Variants in ARPC1B observed in about 807,000 individuals in gnomAD.
ARPC1B encodes the protein actin-related protein 2/3 complex subunit 1B.
In ARPC1B, 29 loss-of-function variants were observed where a neutral mutation model predicts 46.0. That is an observed-to-expected ratio of 0.63 (90% CI 0.47 to 0.86). The LOEUF (loss-of-function observed/expected upper bound fraction) is 0.86, where lower values mean the gene tolerates loss of function less well. ARPC1B is among the 40% of genes least tolerant of loss of function. ARPC1B has a pLI of 0.00. For missense variants in ARPC1B, 469 were observed against 529.4 expected (o/e 0.89, Z 1.12); for synonymous variants, 201 against 213.9 (o/e 0.94, Z 0.53).
intron 1 of ARPC1B, among the ~76,000 whole-genome samples, chr7:99,375,036 G>A (rs1793992114): frequency 1.4e-5 from 2 of 146,374 alleles, no homozygotes; most frequent in African/African-American, 5.0e-5. Flanking sequence ...AGGAGAGGGA[G>A]CCCTGGGATT....
At chr7:99,386,288 G>A (rs1413151416) in intron 2 of ARPC1B, 9 of 368,614 alleles carry the variant, frequency 2.4e-5, no homozygotes, top group Non-Finnish European at 2.6e-5. Flanking sequence ...AAGAAAAAGT[G>A]ACCAAGAAAA....
intron 7 of ARPC1B, 131 bp from the exon 8 acceptor site, chr7:99,392,540 C>T (rs1048124880): frequency 1.0e-4 from 85 of 821,992 alleles, no homozygotes; most frequent in Non-Finnish European, 7.3e-6. Flanking sequence ...CAATTCGGGC[C>T]TCCCTCGCTG....
rs1169899496 is a variant in ARPC1B, at chr7:99,394,025, G to A, written c.990-4G>A. 1.2e-6 allele frequency: 2 copies of A among 1,612,546 alleles called. No homozygotes were observed. The highest frequency in any genetic ancestry group is 1.7e-6 in the Non-Finnish European group (2 of 1,180,022). ...AATTCATAAGCTCCTCTTCCTCTTT[G>A]CAGCCAGATCTCGGTGCTCAGCGGC... is the stretch of plus-strand genomic sequence containing the variant. On this transcript the variant is annotated splice_region_variant and splice_polypyrimidine_tract_variant and intron_variant, in intron 8 of 9. Transcript: ENST00000646101.
Position 99,394,640 on chromosome 7 carries a change from G to A in ARPC1B, c.*151G>A. On this transcript the variant is annotated 3_prime_UTR_variant, in exon 10 of 10. Transcript: ENST00000646101. ...CTCAAAAAGGGAGGGGACAGATGGGGAGCTTTTCTTACCTATTCAAGGAAT... is the reference window on the plus strand; with the variant it reads ...CTCAAAAAGGGAGGGGACAGATGGGAAGCTTTTCTTACCTATTCAAGGAAT... 1.4e-6 allele frequency: 2 copies of A among 1,441,362 alleles called. No homozygotes were observed. The highest frequency in any genetic ancestry group is 5.0e-5 in the East Asian group (2 of 39,604). The allele number at this position is 1,441,362 out of a possible 1,614,324, so 89.3% of individuals were successfully genotyped here.
chr7:99,379,609 C>A (rs1458365725), intron 1 of ARPC1B, among the ~76,000 whole-genome samples: 1 of 152,076 alleles, frequency 6.6e-6, no homozygotes, highest in Non-Finnish European at 1.5e-5. Flanking sequence ...CTAGTCTAGC[C>A]CCAGCCTCAT....
At position 99,394,483 on chromosome 7, in the gene ARPC1B, C is replaced by G; in HGVS notation, c.1113C>G (p.Ile371Met). ...SLESALKDLK[I>M]K ...AGTCAGCCTTGAAGGACCTCAAGAT[C>G]AAATGACCTGTGAGGAATATGTTGC... The change falls in exon 10 of 10, where the codon ATC becomes ATG. Residue 371 changes from isoleucine (I) to methionine (M), a missense_variant. Transcript: ENST00000646101. 2 of 1,614,052 alleles carry G rather than the reference C, an allele frequency of 1.2e-6. No individual in the cohort carries two copies. Among genetic ancestry groups the G allele is most frequent in the Non-Finnish European group, 1.7e-6 (2 of 1,180,008 alleles).
chr7:99,385,626 T>C, intron 1 of ARPC1B, 76 bp from the exon 2 acceptor site: 2 of 1,307,690 alleles, frequency 1.5e-6, no homozygotes, highest in African/African-American at 1.4e-5. Flanking sequence ...GTGAGGATCA[T>C]CTGGGGCCTG....
chr7:99,390,965 TG>T lies in ARPC1B; in HGVS notation c.577del (p.Glu193AsnfsTer2). 6.2e-7 allele frequency: 1 copy of T among 1,613,968 alleles called. No homozygotes were observed. Among genetic ancestry groups the T allele is most frequent in the Non-Finnish European group, 8.5e-7 (1 of 1,179,988 alleles). ...CCCCGTGGGGCTCCAAGATGCCCTTTGGGGAACTGATGTTCGAATCCAGCAG... is the reference window on the plus strand; with the variant it reads ...CCCCGTGGGGCTCCAAGATGCCCTTTGGGAACTGATGTTCGAATCCAGCAG... ...PTPWGSKMPF[G>X]ELMFESSSSC... On this transcript the variant is annotated frameshift_variant, in exon 6 of 10. Transcript: ENST00000646101. LOFTEE classifies it high-confidence loss of function.
intron 7 of ARPC1B, among the ~76,000 whole-genome samples, 174 bp from the exon 8 acceptor site, chr7:99,392,497 C>G (rs1439361180): frequency 6.6e-6 from 1 of 152,176 alleles, no homozygotes; most frequent in Non-Finnish European, 1.5e-5. Flanking sequence ...GAGGTGGCAG[C>G]CCCCAGCATC....
chr7:99,382,909 A>AT (rs1301989194), intron 1 of ARPC1B, among the ~76,000 whole-genome samples: 16 of 120,994 alleles, frequency 1.3e-4, no homozygotes, highest in African/African-American at 5.3e-4. Context: ...CAGTGGTGTG[A>AT]TTTTGGCTCA....
intron 1 of ARPC1B, among the ~76,000 whole-genome samples, chr7:99,381,206 G>T (rs1224537610): frequency 6.6e-6 from 1 of 152,192 alleles, no homozygotes; most frequent in Non-Finnish European, 1.5e-5. Flanking sequence ...CAGCCCCAGT[G>T]GGTGCCGGGT....
In ARPC1B at chr7:99,393,997, T is replaced by G. The variant is rs1217340950; in HGVS notation, c.990-32T>G. 1.9e-6 allele frequency: 3 copies of G among 1,608,386 alleles called. No homozygotes were observed. In the African/African-American group the frequency reaches 4.0e-5, roughly 21 times the overall value. On this transcript the variant is annotated intron_variant, in intron 8 of 9. Transcript: ENST00000646101. ...GGCCTGAGCCCAGCGCCAGCACAGG[T>G]TGAATTCATAAGCTCCTCTTCCTCT...
At chr7:99,375,939 G>A (rs899575890) in intron 1 of ARPC1B, among the ~76,000 whole-genome samples, 3 of 151,930 alleles carry the variant, frequency 2.0e-5, no homozygotes, top group Non-Finnish European at 4.4e-5. Flanking sequence ...GCACGCACCT[G>A]TAATCCCAGC....
chr7:99,383,210 C>T (rs1271412445), intron 1 of ARPC1B, among the ~76,000 whole-genome samples: 1 of 151,970 alleles, frequency 6.6e-6, no homozygotes, highest in East Asian at 1.9e-4. Flanking sequence ...GCCTGTAGTC[C>T]CAGCTACTTG....
At chr7:99,387,697 A>G (rs1045032429) in intron 3 of ARPC1B, among the ~76,000 whole-genome samples, 61 of 147,084 alleles carry the variant, frequency 4.1e-4, no homozygotes, top group African/African-American at 1.6e-3. Context: ...AGATCGTGCC[A>G]GTGCACTCCA....
At chr7:99,383,011 A>G (rs887990040) in intron 1 of ARPC1B, among the ~76,000 whole-genome samples, 6 of 151,182 alleles carry the variant, frequency 4.0e-5, no homozygotes, top group Non-Finnish European at 8.9e-5. Flanking sequence ...CGCCCAGCTA[A>G]TTTTTGTATT....
At chr7:99,375,655 G>A (rs1290361376) in intron 1 of ARPC1B, among the ~76,000 whole-genome samples, 1 of 152,244 alleles carries the variant, frequency 6.6e-6, no homozygotes, top group African/African-American at 2.4e-5. Flanking sequence ...GGGCGCGGTG[G>A]CTCACACATA....
rs746717899 is a variant in ARPC1B at position 99,391,099 on chromosome 7, C to T, written c.707C>T (p.Ala236Val). The T allele has an allele frequency of 6.8e-6, 11 of 1,612,710 alleles. No individual in the cohort carries two copies. The highest frequency in any genetic ancestry group is 2.2e-5 in the East Asian group (1 of 44,836). ...CTGGCTGATGCCGACAAGAAGATGG[C>T]GTGAGTCGAGGCCATCCCCAGGGGA... The part of the protein sequence containing the change: ...VCLADADKKM[A>V]VATLASETLP... The change falls in exon 6 of 10, where the codon GCC (alanine) becomes GTC (valine). Residue 236 changes from alanine to valine, a missense_variant and splice_region_variant. Coordinates refer to ENST00000646101, the MANE Select transcript of ARPC1B (RefSeq NM_005720.4).
In ARPC1B at chr7:99,394,598, C is replaced by A; in HGVS notation, c.*109C>A. ...TGTTTCTGGGGTACCAATACGAGTT[C>A]CCATAGGGGCTGCTCCCTCAAAAAG... On this transcript the variant is annotated 3_prime_UTR_variant, in exon 10 of 10. Coordinates refer to ENST00000646101, the MANE Select transcript of ARPC1B (RefSeq NM_005720.4). The A allele has an allele frequency of 6.4e-7, 1 of 1,568,074 alleles. No individual in the cohort carries two copies. Among genetic ancestry groups the A allele is most frequent in the South Asian group, 1.2e-5 (1 of 85,782 alleles).
Sources: gnomAD v4.1 joint callset for allele counts (sites outside exome capture counted in the v4.1 genomes callset) on GRCh38, gnomAD v4.1.1 for gene constraint, MANE v1.5 for transcripts, NCBI Gene and HGNC (gene_info 2026-07-23, HGNC 2026-07-21) for gene names.